EZH2: variants seen among roughly 807,000 people sequenced by gnomAD.
The protein encoded by EZH2 is enhancer of zeste 2 polycomb repressive complex 2 subunit, also known as histone-lysine N-methyltransferase EZH2.
In EZH2, 18 loss-of-function variants were observed where a neutral mutation model predicts 98.4. That is an observed-to-expected ratio of 0.18 (90% CI 0.13 to 0.27). The LOEUF is 0.27. Ranked by LOEUF, EZH2 falls within the 10% of genes least tolerant of loss-of-function variation. EZH2 has a pLI of 1.00. For missense variants in EZH2, 470 were observed against 935.1 expected (o/e 0.50, Z 6.49); for synonymous variants, 338 against 312.3 (o/e 1.08, Z -0.87).
At chr7:148,818,677 G>A (rs1057133248) in intron 9 of EZH2, among the ~76,000 whole-genome samples, 1 of 151,762 alleles carries the variant, frequency 6.6e-6, no homozygotes, top group African/African-American at 2.4e-5. Context: ...TTCCTGTGAA[G>A]GATACACAGC....
chr7:148,855,355 T>A (rs143116258), intron 1 of EZH2, among the ~76,000 whole-genome samples: 1 of 152,330 alleles, frequency 6.6e-6, no homozygotes, highest in African/African-American at 2.4e-5. Context: ...TTCTAAGTCC[T>A]ATACACAGCA....
At position 148,813,911 on chromosome 7, in the gene EZH2, C is replaced by G. The variant is rs377398509; in HGVS notation, c.1851+48G>C. ...TAAGGCAATCCTGACATTTGCATCA[C>G]TAAATAGCTAACTACAAACAATCTT... On this transcript the variant is annotated intron_variant, in intron 15 of 19. Coordinates refer to ENST00000320356, the MANE Select transcript of EZH2 (RefSeq NM_004456.5). 828 of 1,573,604 alleles carry G rather than the reference C, an allele frequency of 5.3e-4. 2 individuals are homozygous for G. Among genetic ancestry groups the G allele is most frequent in the Admixed American group, 5.3e-4 (30 of 56,322 alleles).
intron 1 of EZH2, among the ~76,000 whole-genome samples, chr7:148,874,116 C>A (rs1819852060): frequency 6.8e-6 from 1 of 147,670 alleles, no homozygotes; most frequent in South Asian, 2.2e-4. Flanking sequence ...CCAGGCACAG[C>A]GGCTCATGCC....
At chr7:148,817,021 A>T (rs1487329047) in intron 11 of EZH2, 6 of 616,686 alleles carry the variant, frequency 9.7e-6, no homozygotes, top group Non-Finnish European at 1.4e-5. Context: ...ATCTAACCTT[A>T]AAAGTCTACA....
At chr7:148,853,398 T>C (rs1816211319) in intron 1 of EZH2, among the ~76,000 whole-genome samples, 1 of 151,746 alleles carries the variant, frequency 6.6e-6, no homozygotes, top group Non-Finnish European at 1.5e-5. Flanking sequence ...GGCAACACAG[T>C]GAGACGAGAC....
At chr7:148,859,365 G>C (rs1817329979) in intron 1 of EZH2, among the ~76,000 whole-genome samples, 1 of 152,062 alleles carries the variant, frequency 6.6e-6, no homozygotes, top group Non-Finnish European at 1.5e-5. Flanking sequence ...AATTAGCCAG[G>C]AGTGGTGGCA....
intron 1 of EZH2, among the ~76,000 whole-genome samples, chr7:148,854,428 T>A (rs1585208145): frequency 7.3e-6 from 1 of 137,016 alleles, no homozygotes; most frequent in African/African-American, 2.7e-5. Flanking sequence ...ACAGTGAGAC[T>A]CCGTCTCAAA....
At chr7:148,868,505 T>C (rs1025980624) in intron 1 of EZH2, among the ~76,000 whole-genome samples, 1 of 152,120 alleles carries the variant, frequency 6.6e-6, no homozygotes, top group African/African-American at 2.4e-5. Flanking sequence ...AAGGGAAAAG[T>C]CTGCCCCCAT....
At chr7:148,819,756 C>T (rs1805490965) in intron 8 of EZH2, 69 bp from the exon 9 acceptor site, 2 of 1,357,002 alleles carry the variant, frequency 1.5e-6, no homozygotes, top group South Asian at 1.2e-5. Context: ...CTTCCAGTTC[C>T]ACTGGAAAAG....
At chr7:148,866,501 CGTATATACATATATATGT>C (rs1280509798) in intron 1 of EZH2, among the ~76,000 whole-genome samples, 1,672 of 117,324 alleles carry the variant, frequency 0.014, 45 homozygotes, top group African/African-American at 0.044. Context: ...AATATATATA[CGTATATACATATATATGT>C]GTATATACAT....
chr7:148,816,558 T>G (rs1804603382), intron 12 of EZH2, 126 bp downstream of exon 12: 1 of 645,110 alleles, frequency 1.6e-6, no homozygotes, highest in Non-Finnish European at 2.7e-6. Flanking sequence ...ATAGTTCTGT[T>G]TTTGATGGCA....
At chr7:148,817,155 G>T in intron 11 of EZH2, 67 bp downstream of exon 11, 1 of 1,431,034 alleles carries the variant, frequency 7.0e-7, no homozygotes, top group Non-Finnish European at 9.3e-7. Context: ...TCTTTGTTTG[G>T]ACAACGAGTA....
At chr7:148,877,138 T>G (rs1000546597) in intron 1 of EZH2, among the ~76,000 whole-genome samples, 1 of 152,198 alleles carries the variant, frequency 6.6e-6, no homozygotes, top group Admixed American at 6.5e-5. Context: ...GGTCCCATTT[T>G]TATAAAATGT....
chr7:148,828,726 A>G lies in EZH2; in HGVS notation c.625+14T>C. ...GCTGTAATGGCTACACAGAATCCTA[A>G]TAATCAGGCATACCATCTCGGTGAT... On this transcript the variant is annotated intron_variant, in intron 6 of 19. Transcript: ENST00000320356. 1 of 1,609,578 alleles carries G rather than the reference A, an allele frequency of 6.2e-7. No individual in the cohort carries two copies. Among genetic ancestry groups the G allele is most frequent in the South Asian group, 1.1e-5 (1 of 90,308 alleles).
Position 148,826,574 on chromosome 7 carries a change from T to C in EZH2, c.787A>G (p.Asn263Asp), listed in dbSNP as rs780959381. ...PGALPPECTPNIDGPNAKSVQ... is the reference protein window; with the variant it reads ...PGALPPECTPDIDGPNAKSVQ... ...GATTTAGCATTTGGTCCATCTATGT[T>C]GGGGGTACATTCAGGAGGAAGTGCG... Residue 263 changes from asparagine to aspartate, a missense_variant, in exon 8 of 20, where the codon AAC becomes GAC. Asn to Asp is a conservative substitution (Grantham distance 23). Coordinates refer to ENST00000320356, the MANE Select transcript of EZH2 (RefSeq NM_004456.5). 4 of 1,582,414 alleles carry C rather than the reference T, an allele frequency of 2.5e-6. No individual in the cohort carries two copies. The highest frequency in any genetic ancestry group is 2.3e-5 in the East Asian group (1 of 44,358).
chr7:148,827,316 T>A (rs781472658), intron 6 of EZH2, 50 bp from the exon 7 acceptor site: 1 of 1,408,938 alleles, frequency 7.1e-7, no homozygotes, highest in Admixed American at 1.8e-5. Flanking sequence ...AAACAAGTTT[T>A]TGATCTTTCA....
In EZH2 at chr7:148,807,624, A is replaced by AG. The variant is rs3217095; in HGVS notation, c.*21dup. The AG allele has an allele frequency of 1.9e-6, 3 of 1,580,302 alleles. No homozygotes were observed. Among genetic ancestry groups the AG allele is most frequent in the Non-Finnish European group, 2.6e-6 (3 of 1,160,096 alleles). ...GAAGCTAAGGCAGCTGTTTCAGAGG[A>AG]GGGGGGAGGAGGTAGCAGATGTCAA... On this transcript the variant is annotated 3_prime_UTR_variant, in exon 20 of 20. Coordinates refer to ENST00000320356, the MANE Select transcript of EZH2 (RefSeq NM_004456.5).
At chr7:148,849,312 A>G (rs1162360634) in intron 1 of EZH2, among the ~76,000 whole-genome samples, 1 of 152,210 alleles carries the variant, frequency 6.6e-6, no homozygotes, top group African/African-American at 2.4e-5. Flanking sequence ...CAAAAGGCAA[A>G]GAAAGAACCT....
At chr7:148,869,043 C>T (rs997300923) in intron 1 of EZH2, among the ~76,000 whole-genome samples, 1 of 152,170 alleles carries the variant, frequency 6.6e-6, no homozygotes, top group Non-Finnish European at 1.5e-5. Flanking sequence ...TATTCAGATA[C>T]ATCATAGTCC....
Sources: gnomAD v4.1 joint callset for allele counts (sites outside exome capture counted in the v4.1 genomes callset) on GRCh38, gnomAD v4.1.1 for gene constraint, MANE v1.5 for transcripts, NCBI Gene and HGNC (gene_info 2026-07-23, HGNC 2026-07-21) for gene names.